LUZP2: variants seen among roughly 807,000 people sequenced by gnomAD.
The protein encoded by LUZP2 is leucine zipper protein 2.
In LUZP2, 52 loss-of-function variants were observed where a neutral mutation model predicts 51.6. That is an observed-to-expected ratio of 1.01 (90% CI 0.81 to 1.27). The LOEUF is 1.27. LUZP2 is among the 50% of genes most tolerant of loss of function. The probability of loss-of-function intolerance (pLI) is 0.00; values close to 1 mark genes in which losing one functional copy is unlikely to be tolerated. For missense variants in LUZP2, 436 were observed against 395.4 expected (o/e 1.10, Z -0.87); for synonymous variants, 154 against 137.3 (o/e 1.12, Z -0.85).
chr11:25,052,621 C>T (rs911325782), intron 10 of LUZP2, among the ~76,000 whole-genome samples: 2 of 152,128 alleles, frequency 1.3e-5, no homozygotes, highest in South Asian at 2.1e-4. Context: ...TTCTGATTTG[C>T]ATTAAATATT....
intron 5 of LUZP2, among the ~76,000 whole-genome samples, chr11:24,813,411 G>A (rs1478593627): frequency 6.6e-6 from 1 of 152,126 alleles, no homozygotes; most frequent in African/African-American, 2.4e-5. Context: ...ATCTACTTCT[G>A]CGGAGGCCTC....
chr11:24,718,120 C>G (rs1048194061), intron 1 of LUZP2, among the ~76,000 whole-genome samples: 1 of 152,184 alleles, frequency 6.6e-6, no homozygotes, highest in Admixed American at 6.5e-5. Flanking sequence ...GGAAACAGGA[C>G]TATCAAAAAC....
chr11:24,699,423 T>A lies in LUZP2; in HGVS notation c.63-29746T>A, dbSNP rs1053689375. Among the ~76,000 whole-genome samples, 8 of 152,246 alleles carry A rather than the reference T, an allele frequency of 5.3e-5. No individual in the cohort carries two copies. In the Middle Eastern group the frequency reaches 0.01, roughly 194 times the overall value. On this transcript the variant is annotated intron_variant, in intron 1 of 11. Transcript: ENST00000336930. ...GAAGTTCCTTCATATTTGAAATACA[T>A]TTTGGAATTAAAATTGACAGACATT...
chr11:24,850,172 G>A (rs1318004042), intron 5 of LUZP2, among the ~76,000 whole-genome samples: 3 of 152,034 alleles, frequency 2.0e-5, no homozygotes, highest in Admixed American at 6.6e-5. Flanking sequence ...CATTGCTTTT[G>A]GTGTTTAATT....
intron 7 of LUZP2, among the ~76,000 whole-genome samples, chr11:24,967,585 T>G (rs892270472): frequency 6.6e-6 from 1 of 152,016 alleles, no homozygotes; most frequent in Non-Finnish European, 1.5e-5. Flanking sequence ...TTTTTTTCTC[T>G]TCACTGTTCT....
intron 7 of LUZP2, among the ~76,000 whole-genome samples, chr11:24,949,651 A>T (rs1187882440): frequency 1.3e-5 from 2 of 151,552 alleles, no homozygotes; most frequent in Non-Finnish European, 3.0e-5. Context: ...GCGGTTCGTA[A>T]TACTGGATTT....
At chr11:25,039,310 T>C (rs1857964389) in intron 9 of LUZP2, among the ~76,000 whole-genome samples, 1 of 152,032 alleles carries the variant, frequency 6.6e-6, no homozygotes, top group Admixed American at 6.6e-5. Context: ...GCTGCCAAAA[T>C]GCACTCAGGT....
chr11:24,738,968 C>G (rs1859038191), intron 4 of LUZP2, among the ~76,000 whole-genome samples: 1 of 151,930 alleles, frequency 6.6e-6, no homozygotes, highest in Non-Finnish European at 1.5e-5. Context: ...GGGATTGGAC[C>G]TTATATCTTG....
At chr11:24,708,763 G>T (rs1004758433) in intron 1 of LUZP2, among the ~76,000 whole-genome samples, 6 of 152,166 alleles carry the variant, frequency 3.9e-5, no homozygotes, top group African/African-American at 1.4e-4. Context: ...AACTCAGAAC[G>T]CATGATGAAT....
intron 7 of LUZP2, among the ~76,000 whole-genome samples, chr11:24,929,458 C>G (rs1345018811): frequency 1.3e-5 from 2 of 152,032 alleles, no homozygotes; most frequent in African/African-American, 4.8e-5. Context: ...AAATTTCCAT[C>G]TTGATATCAT....
intron 1 of LUZP2, among the ~76,000 whole-genome samples, chr11:24,609,393 G>A (rs1019594780): frequency 6.6e-6 from 1 of 152,030 alleles, no homozygotes; most frequent in Non-Finnish European, 1.5e-5. Flanking sequence ...AGTGTAGGAG[G>A]AAGGCTACAA....
intron 1 of LUZP2, among the ~76,000 whole-genome samples, chr11:24,719,211 C>T (rs898586480): frequency 6.6e-5 from 10 of 152,132 alleles, no homozygotes; most frequent in South Asian, 6.2e-4. Flanking sequence ...GCATATAATG[C>T]TATTATATAA....
At chr11:24,924,296 T>A (rs895042188) in intron 7 of LUZP2, among the ~76,000 whole-genome samples, 1 of 152,144 alleles carries the variant, frequency 6.6e-6, no homozygotes, top group Non-Finnish European at 1.5e-5. Context: ...AAGGATGGTC[T>A]CGGTCTCCTG....
At chr11:24,762,093 G>GCAT (rs1860002051) in intron 4 of LUZP2, among the ~76,000 whole-genome samples, 1 of 728 alleles carries the variant, frequency 1.4e-3, no homozygotes, top group Admixed American at 0.028. Flanking sequence ...GGCATTTTAC[G>GCAT]TATTCTTGTT....
At chr11:24,609,853 G>A (rs1854058835) in intron 1 of LUZP2, among the ~76,000 whole-genome samples, 1 of 152,038 alleles carries the variant, frequency 6.6e-6, no homozygotes, top group African/African-American at 2.4e-5. Context: ...GAGCCTGCTG[G>A]AGGTCACAGC....
intron 9 of LUZP2, among the ~76,000 whole-genome samples, chr11:25,044,845 G>T (rs547363802): frequency 6.6e-6 from 1 of 152,032 alleles, no homozygotes; most frequent in South Asian, 2.1e-4. Context: ...TTAAGAAAAT[G>T]TGGCACATAT....
At chr11:24,625,130 A>T (rs945162854) in intron 1 of LUZP2, among the ~76,000 whole-genome samples, 1 of 151,248 alleles carries the variant, frequency 6.6e-6, no homozygotes, top group African/African-American at 2.4e-5. Flanking sequence ...ATGAAAATTA[A>T]AATAATTAAA....
rs186714228 is a variant in LUZP2, at chr11:24,674,315, C to A, written c.63-54854C>A. On this transcript the variant is annotated intron_variant, in intron 1 of 11. Coordinates refer to ENST00000336930, the MANE Select transcript of LUZP2 (RefSeq NM_001009909.4). The stretch of plus-strand genomic sequence containing the variant: ...GACAGCCTGTGACCTTCTGCTAGCC[C>A]CGACATCTCTTTCATCCTTTGGGTA... Among the ~76,000 whole-genome samples, 597 of 152,240 alleles carry A rather than the reference C, an allele frequency of 3.9e-3. 2 individuals carry two copies. The highest frequency in any genetic ancestry group is 0.013 in the African/African-American group (560 of 41,544).
At chr11:24,788,875 C>T (rs1296709975) in intron 5 of LUZP2, among the ~76,000 whole-genome samples, 6 of 152,094 alleles carry the variant, frequency 3.9e-5, no homozygotes, top group Middle Eastern at 3.4e-3. Flanking sequence ...TGGACAAGGC[C>T]CACCCACATT....
Sources: gnomAD v4.1 joint callset for allele counts (sites outside exome capture counted in the v4.1 genomes callset) on GRCh38, gnomAD v4.1.1 for gene constraint, MANE v1.5 for transcripts, NCBI Gene and HGNC (gene_info 2026-07-23, HGNC 2026-07-21) for gene names.